Variants in PVT1 observed in about 807,000 individuals in gnomAD.
The protein encoded by PVT1 is CXCR4/PVT1 fusion.
intron 5 of PVT1, among the ~76,000 whole-genome samples, chr8:128,084,062 C>A (rs1182990176): frequency 1.3e-5 from 2 of 152,160 alleles, no homozygotes; most frequent in Non-Finnish European, 2.9e-5. Flanking sequence ...ACTGCAGGAG[C>A]CTCCTAATCT....
intron 3 of PVT1, among the ~76,000 whole-genome samples, chr8:127,915,221 A>G: frequency 6.6e-6 from 1 of 152,184 alleles, no homozygotes; most frequent in African/African-American, 2.4e-5. Context: ...GACAAACGTC[A>G]CTGATTTTGT....
chr8:127,993,738 C>T (rs1239958106), intron 4 of PVT1, among the ~76,000 whole-genome samples: 1 of 152,214 alleles, frequency 6.6e-6, no homozygotes, highest in Non-Finnish European at 1.5e-5. Flanking sequence ...AGAAGCTCCC[C>T]AGTCTGCCTT....
intron 2 of PVT1, among the ~76,000 whole-genome samples, chr8:127,858,761 T>A (rs1271359208): frequency 6.6e-6 from 1 of 150,928 alleles, no homozygotes; most frequent in Non-Finnish European, 1.5e-5. Context: ...CACCACTTGG[T>A]TTCTTTTTTT....
At chr8:127,918,492 C>T (rs908366986) in intron 3 of PVT1, among the ~76,000 whole-genome samples, 5 of 152,186 alleles carry the variant, frequency 3.3e-5, no homozygotes, top group African/African-American at 1.2e-4. Flanking sequence ...ACAACTGGAA[C>T]CACTAGGCCC....
intron 3 of PVT1, among the ~76,000 whole-genome samples, chr8:127,943,240 G>A (rs762754380): frequency 2.0e-4 from 30 of 152,158 alleles, no homozygotes; most frequent in Non-Finnish European, 3.1e-4. Flanking sequence ...ATCTTAATAA[G>A]CAAAAGGACA....
chr8:127,824,014 G>A (rs2129685268), intron 2 of PVT1, among the ~76,000 whole-genome samples: 1 of 152,242 alleles, frequency 6.6e-6, no homozygotes, highest in South Asian at 2.1e-4. Context: ...GCAACAAAGC[G>A]AGAGCCTGTC....
At chr8:127,926,376 C>T (rs1396892933) in intron 3 of PVT1, among the ~76,000 whole-genome samples, 4 of 152,204 alleles carry the variant, frequency 2.6e-5, no homozygotes, top group Admixed American at 2.0e-4. Context: ...CCCCAGCTGC[C>T]GAGACGGCGG....
chr8:128,003,136 G>A (rs573879821), intron 4 of PVT1, among the ~76,000 whole-genome samples: 81 of 146,458 alleles, frequency 5.5e-4, no homozygotes, highest in African/African-American at 2.0e-3. Flanking sequence ...CGAGTAGCTG[G>A]GACTACAGGC....
Position 128,068,906 on chromosome 8 carries a change from C to CTTTGACCT in PVT1, n.913-1252_913-1245dup, listed in dbSNP as rs1813946981. Reference sequence around the variant, plus strand: ...TTTGTCAAGAGGCATCAAAGCCTTACTTTGACCTTGTATCCCTATTTGGGA... The same window carrying CTTTGACCT: ...TTTGTCAAGAGGCATCAAAGCCTTACTTTGACCTTTTGACCTTGTATCCCTATTTGGGA... On this transcript the variant is annotated intron_variant and non_coding_transcript_variant, in intron 4 of 10. Transcript: ENST00000651587. Among the ~76,000 whole-genome samples, 3 of 152,224 alleles carry CTTTGACCT rather than the reference C, an allele frequency of 2.0e-5. No homozygotes were observed. The South Asian group carries it at 6.2e-4, about 31-fold the overall frequency.
chr8:127,913,648 C>T (rs1009118459), intron 3 of PVT1, among the ~76,000 whole-genome samples: 10 of 152,104 alleles, frequency 6.6e-5, no homozygotes, highest in Admixed American at 5.9e-4. Flanking sequence ...TGTGCTCAGC[C>T]TCTCCCCGAC....
chr8:127,851,017 AT>A (rs1563621530), intron 2 of PVT1, among the ~76,000 whole-genome samples: 7 of 148,784 alleles, frequency 4.7e-5, no homozygotes, highest in African/African-American at 1.6e-4. Context: ...AAAAAAAAAA[AT>A]TAAAAAAAAA....
At chr8:127,980,211 C>T (rs1428182586) in intron 3 of PVT1, among the ~76,000 whole-genome samples, 1 of 152,122 alleles carries the variant, frequency 6.6e-6, no homozygotes, top group African/African-American at 2.4e-5. Context: ...CATTTTATCC[C>T]CAGTATCTAG....
intron 4 of PVT1, among the ~76,000 whole-genome samples, chr8:128,026,175 T>C (rs1817491087): frequency 6.6e-6 from 1 of 152,288 alleles, no homozygotes; most frequent in Admixed American, 6.5e-5. Context: ...ACTCCTGACC[T>C]CAAGTGATCC....
Position 127,943,686 on chromosome 8 carries a change from G to A in PVT1, n.783-45476G>A, listed in dbSNP as rs200459417. 2.4e-3 allele frequency among the ~76,000 whole-genome samples: 360 copies of A among 152,228 alleles called. 2 individuals are homozygous for A. Among genetic ancestry groups the A allele is most frequent in the African/African-American group, 7.1e-3 (294 of 41,532 alleles). On this transcript the variant is annotated intron_variant and non_coding_transcript_variant, in intron 3 of 10. Coordinates refer to ENST00000651587, the Ensembl canonical transcript of PVT1. Reference sequence around the variant, plus strand: ...TTTGTGGTGGTGTTGGTGGTGGTGCGTACATATGTGTGTGTAAAAATCTCC... The same window carrying A: ...TTTGTGGTGGTGTTGGTGGTGGTGCATACATATGTGTGTGTAAAAATCTCC...
At chr8:128,014,288 G>C (rs1041911237) in intron 4 of PVT1, among the ~76,000 whole-genome samples, 1 of 152,228 alleles carries the variant, frequency 6.6e-6, no homozygotes, top group East Asian at 1.9e-4. Flanking sequence ...CTCTACAAGG[G>C]GGGTTAGCCA....
chr8:127,843,637 C>T (rs7819532), intron 2 of PVT1, among the ~76,000 whole-genome samples: 5,470 of 151,330 alleles, frequency 0.036, 269 homozygotes, highest in East Asian at 0.15. Flanking sequence ...AGTGGAGACG[C>T]GGTTTCACCA....
chr8:127,879,957 A>T (rs1212607907), intron 2 of PVT1, among the ~76,000 whole-genome samples: 3 of 152,204 alleles, frequency 2.0e-5, no homozygotes, highest in Non-Finnish European at 4.4e-5. Context: ...TCCAGGCCTT[A>T]CTTCTCAGCT....
intron 3 of PVT1, among the ~76,000 whole-genome samples, chr8:127,942,060 A>C (rs143099583): frequency 6.6e-6 from 1 of 152,118 alleles, no homozygotes; most frequent in African/African-American, 2.4e-5. Context: ...AGGCCCACAG[A>C]TGTTGGGCCC....
chr8:127,970,951 T>C (rs1014762388), intron 3 of PVT1, among the ~76,000 whole-genome samples: 1 of 152,146 alleles, frequency 6.6e-6, no homozygotes, highest in African/African-American at 2.4e-5. Context: ...AGGCTATCAG[T>C]TTTTGTAAAT....
Sources: gnomAD v4.1 joint callset for allele counts (sites outside exome capture counted in the v4.1 genomes callset) on GRCh38, gnomAD v4.1.1 for gene constraint, MANE v1.5 for transcripts, NCBI Gene and HGNC (gene_info 2026-07-23, HGNC 2026-07-21) for gene names.